MTSS1: variants seen among roughly 807,000 people sequenced by gnomAD.
MTSS1 encodes protein MTSS 1.
MTSS1 carries 18 observed loss-of-function variants against 79.0 expected under a neutral mutation model. The ratio of observed to expected loss-of-function variants is 0.23; its 90% CI spans 0.16 to 0.34. The LOEUF (loss-of-function observed/expected upper bound fraction) is 0.34, where lower values mean the gene tolerates loss of function less well. Ranked by LOEUF, MTSS1 falls within the 10% of genes least tolerant of loss-of-function variation. The pLI, the probability that MTSS1 is intolerant of heterozygous loss-of-function variation, is 1.00. For missense variants in MTSS1, 815 were observed against 986.2 expected (o/e 0.83, Z 2.33); for synonymous variants, 341 against 368.6 (o/e 0.93, Z 0.86).
intron 3 of MTSS1, among the ~76,000 whole-genome samples, chr8:124,596,773 C>A (rs1307992949): frequency 6.6e-6 from 1 of 152,154 alleles, no homozygotes; most frequent in Non-Finnish European, 1.5e-5. Flanking sequence ...GTGACTCCAG[C>A]ATTCCTTGGC....
intron 1 of MTSS1, among the ~76,000 whole-genome samples, chr8:124,719,367 G>A (rs148224147): frequency 1.3e-4 from 20 of 152,262 alleles, no homozygotes; most frequent in African/African-American, 4.3e-4. Flanking sequence ...ACTCAGTTCC[G>A]AGCGAGGGTG....
At position 124,597,095 on chromosome 8, in the gene MTSS1, G is replaced by A. The variant is rs972665232; in HGVS notation, c.209-5860C>T. Among the ~76,000 whole-genome samples the A allele has an allele frequency of 2.6e-5, 4 of 152,254 alleles. No homozygotes were observed. Among genetic ancestry groups the A allele is most frequent in the South Asian group, 2.1e-4 (1 of 4,826 alleles). On this transcript the variant is annotated intron_variant, in intron 3 of 13. Coordinates refer to ENST00000518547, the MANE Select transcript of MTSS1 (RefSeq NM_014751.6). The surrounding 1 kb of genome is among the most constrained non-coding windows in gnomAD (Gnocchi z 4.6). ...ATCCTACCGTGCAGCAAAAACTAACGTGATTTCAAGGACGGTGAAGACAGG... is the reference window on the plus strand; with the variant it reads ...ATCCTACCGTGCAGCAAAAACTAACATGATTTCAAGGACGGTGAAGACAGG...
rs747243821 is a variant in MTSS1 at position 124,572,743 on chromosome 8, C to CTTTTTTTTTTT, written c.461-4218_461-4208dup. ...TGGGCTACTTTCTTTCTTTTCTTTT[C>CTTTTTTTTTTT]TTTTTTTTTTTTTTTTTGAGACAGA... On this transcript the variant is annotated intron_variant, in intron 6 of 13. Transcript: ENST00000518547. 9.9e-4 allele frequency among the ~76,000 whole-genome samples: 122 copies of CTTTTTTTTTTT among 123,634 alleles called. 2 individuals are homozygous for CTTTTTTTTTTT. Among genetic ancestry groups the CTTTTTTTTTTT allele is most frequent in the African/African-American group, 2.0e-3 (65 of 32,718 alleles). 81.1% of individuals were successfully genotyped at this position (123,634 alleles called of 152,430 possible). A position where few individuals can be genotyped will look rare whatever the true frequency, so the allele number is the denominator to read the frequency against.
intron 6 of MTSS1, among the ~76,000 whole-genome samples, chr8:124,569,619 C>T (rs955616065): frequency 2.6e-5 from 4 of 152,214 alleles, no homozygotes; most frequent in Admixed American, 2.6e-4. Context: ...ATCACTCAAA[C>T]CAGAGAGATA....
Position 124,557,731 on chromosome 8 carries a change from A to C in MTSS1, c.1180T>G (p.Tyr394Asp), listed in dbSNP as rs1283892740. The C allele has an allele frequency of 6.2e-7, 1 of 1,600,362 alleles. No homozygotes were observed. The highest frequency in any genetic ancestry group is 1.1e-5 in the South Asian group (1 of 88,266). Reference sequence around the variant, plus strand: ...GGGAACATGCCGGGCCCAATGGTGTAATAATGAGCGTAGTCTGGAAGGTGG... The same window carrying C: ...GGGAACATGCCGGGCCCAATGGTGTCATAATGAGCGTAGTCTGGAAGGTGG... ...SVHLPDYAHY[Y>D]TIGPGMFPSS... The change falls in exon 11 of 14, where the codon TAC (tyrosine) becomes GAC (aspartate). Residue 394 changes from tyrosine to aspartate, a missense_variant. Transcript: ENST00000518547.
chr8:124,724,048 G>A (rs1833325433), intron 1 of MTSS1, among the ~76,000 whole-genome samples: 1 of 152,128 alleles, frequency 6.6e-6, no homozygotes, highest in Non-Finnish European at 1.5e-5. Context: ...CAAGGGCAGA[G>A]CCTAGCAAAA....
At chr8:124,656,642 G>A (rs966969824) in intron 3 of MTSS1, among the ~76,000 whole-genome samples, 3 of 151,814 alleles carry the variant, frequency 2.0e-5, no homozygotes, top group African/African-American at 7.3e-5. Flanking sequence ...GCCAGGTGTG[G>A]TGGTGAATGC....
intron 6 of MTSS1, among the ~76,000 whole-genome samples, chr8:124,575,584 G>GTTGTTTGT (rs11472870): frequency 2.0e-5 from 3 of 151,662 alleles, no homozygotes; most frequent in African/African-American, 4.9e-5. Flanking sequence ...TTTTGTTGTT[G>GTTGTTTGT]TTGTTTGTTT....
intron 3 of MTSS1, among the ~76,000 whole-genome samples, chr8:124,620,642 G>A (rs1813311929): frequency 6.6e-6 from 1 of 152,112 alleles, no homozygotes; most frequent in Non-Finnish European, 1.5e-5. Context: ...CACCTAAAAA[G>A]CTAATTAAGT....
At chr8:124,576,008 C>G (rs1318875418) in intron 6 of MTSS1, among the ~76,000 whole-genome samples, 1 of 152,106 alleles carries the variant, frequency 6.6e-6, no homozygotes, top group African/African-American at 2.4e-5. Context: ...GGTCACTTCC[C>G]TGAGCCCAGG....
chr8:124,551,444 C>A lies in MTSS1; in HGVS notation c.*1548G>T, dbSNP rs924741361. ...GTTAATATATAGAACAATGACCATA[C>A]GGTACGTTACTCTCACATCCAATGC... On this transcript the variant is annotated 3_prime_UTR_variant, in exon 14 of 14. Transcript: ENST00000518547. The A allele has an allele frequency of 1.3e-5, 2 of 152,578 alleles. No homozygotes were observed. Among genetic ancestry groups the A allele is most frequent in the African/African-American group, 2.4e-5 (1 of 41,406 alleles). 9.5% of individuals were successfully genotyped at this position (152,578 alleles called of 1,614,324 possible). A position where few individuals can be genotyped will look rare whatever the true frequency, so the allele number is the denominator to read the frequency against.
At chr8:124,620,280 T>C (rs1443815516) in intron 3 of MTSS1, among the ~76,000 whole-genome samples, 2 of 152,142 alleles carry the variant, frequency 1.3e-5, no homozygotes, top group Non-Finnish European at 2.9e-5. Context: ...GCTTTAACTT[T>C]CTCCTGTTCA....
chr8:124,694,943 A>C (rs1319250979), intron 3 of MTSS1, among the ~76,000 whole-genome samples: 2 of 152,228 alleles, frequency 1.3e-5, no homozygotes, highest in Non-Finnish European at 2.9e-5. Context: ...AGTGCTAATA[A>C]ACTGAAATTC....
intron 3 of MTSS1, among the ~76,000 whole-genome samples, chr8:124,664,506 A>T (rs377630599): frequency 6.6e-5 from 10 of 152,230 alleles, no homozygotes; most frequent in African/African-American, 2.4e-4. Flanking sequence ...ACACAAGATT[A>T]GAAGCCACAC....
At chr8:124,621,441 G>A (rs1351683290) in intron 3 of MTSS1, among the ~76,000 whole-genome samples, 1 of 152,192 alleles carries the variant, frequency 6.6e-6, no homozygotes, top group Non-Finnish European at 1.5e-5. Context: ...GGAAAGCCAG[G>A]CCCATGGGCA....
At chr8:124,717,320 C>T (rs983963691) in intron 1 of MTSS1, among the ~76,000 whole-genome samples, 1 of 151,734 alleles carries the variant, frequency 6.6e-6, no homozygotes, top group Non-Finnish European at 1.5e-5. Flanking sequence ...GACAAAACCC[C>T]ATCTTTACTA....
intron 5 of MTSS1, among the ~76,000 whole-genome samples, chr8:124,587,849 A>G (rs567072027): frequency 1.8e-4 from 28 of 152,130 alleles, no homozygotes; most frequent in Non-Finnish European, 4.0e-4. Context: ...TGGCTATTGT[A>G]CCCATACTTC....
At chr8:124,691,821 A>G (rs1452154127) in intron 3 of MTSS1, among the ~76,000 whole-genome samples, 1 of 152,082 alleles carries the variant, frequency 6.6e-6, no homozygotes, top group Non-Finnish European at 1.5e-5. Context: ...CGGCTGATAT[A>G]CCTTTTTATT....
chr8:124,593,857 A>C (rs1832286870), intron 3 of MTSS1, among the ~76,000 whole-genome samples: 1 of 152,196 alleles, frequency 6.6e-6, no homozygotes, highest in Admixed American at 6.5e-5. Context: ...GGACAAAGGG[A>C]GATGGGACAG....
Sources: gnomAD v4.1 joint callset for allele counts (sites outside exome capture counted in the v4.1 genomes callset) on GRCh38, gnomAD v4.1.1 for gene constraint, Gnocchi (gnomAD v3.1) non-coding constraint, MANE v1.5 for transcripts, NCBI Gene and HGNC (gene_info 2026-07-23, HGNC 2026-07-21) for gene names.